CDK6: variants seen among roughly 807,000 people sequenced by gnomAD.
The protein encoded by CDK6 is cyclin dependent kinase 6.
Under a neutral mutation model 37.1 loss-of-function variants are expected in CDK6, and 6 were observed. The ratio of observed to expected loss-of-function variants is 0.16; its 90% CI spans 0.09 to 0.32. The LOEUF (loss-of-function observed/expected upper bound fraction) is 0.32, where lower values mean the gene tolerates loss of function less well. CDK6 is among the 10% of genes least tolerant of loss of function. The probability of loss-of-function intolerance (pLI) is 1.00; values close to 1 mark genes in which losing one functional copy is unlikely to be tolerated. For missense variants in CDK6, 224 were observed against 418.9 expected, an observed-to-expected ratio of 0.53 and a Z score of 4.06; for synonymous variants, 160 against 161.3, an observed-to-expected ratio of 0.99 and a Z score of 0.06.
intron 3 of CDK6, among the ~76,000 whole-genome samples, chr7:92,735,969 A>G (rs1390845910): frequency 6.6e-6 from 1 of 152,170 alleles, no homozygotes; most frequent in Admixed American, 6.5e-5. Context: ...TCACTTAGAC[A>G]TGAGATGTAA....
intron 4 of CDK6, chr7:92,725,254 G>T (rs996943468): frequency 1.0e-6 from 1 of 985,394 alleles, no homozygotes; most frequent in Non-Finnish European, 1.2e-6. Context: ...GCTGCAGACA[G>T]GTCAACGTTG....
intron 2 of CDK6, among the ~76,000 whole-genome samples, chr7:92,825,382 G>A (rs1362628726): frequency 1.3e-5 from 2 of 151,970 alleles, no homozygotes; most frequent in Non-Finnish European, 2.9e-5. Flanking sequence ...CTAAATGCTT[G>A]GGATACTGCA....
rs11285626 is a variant in CDK6, at chr7:92,711,552, A to ATTTTTTTTTTTTTTTTTTTT, written c.537+14054_537+14073dup. On this transcript the variant is annotated intron_variant, in intron 4 of 7. Coordinates refer to ENST00000424848, the MANE Select transcript of CDK6 (RefSeq NM_001145306.2). The stretch of plus-strand genomic sequence containing the variant: ...TTTTTTACCTACCTGGAATGGTCAA[A>ATTTTTTTTTTTTTTTTTTTT]TTTTTTTTTTTTTTTTTTTTTTTTT... 2.5e-4 allele frequency among the ~76,000 whole-genome samples: 14 copies of ATTTTTTTTTTTTTTTTTTTT among 56,626 alleles called. 1 individual carries two copies. The highest frequency in any genetic ancestry group is 1.1e-3 in the African/African-American group (13 of 12,216). 37.1% of individuals were successfully genotyped at this position (56,626 alleles called of 152,430 possible). A position where few individuals can be genotyped will look rare whatever the true frequency, so the allele number is the denominator to read the frequency against.
chr7:92,626,880 C>T (rs1192562354), intron 5 of CDK6, among the ~76,000 whole-genome samples: 5 of 151,916 alleles, frequency 3.3e-5, no homozygotes, highest in African/African-American at 4.8e-5. Context: ...AAATATTTTC[C>T]TTGTATAATA....
At chr7:92,782,971 T>A (rs1296348595) in intron 2 of CDK6, among the ~76,000 whole-genome samples, 3 of 152,202 alleles carry the variant, frequency 2.0e-5, no homozygotes, top group Non-Finnish European at 4.4e-5. Context: ...CTGACTTGGC[T>A]GGGAATCTAT....
At chr7:92,681,895 T>G (rs1338711748) in intron 4 of CDK6, among the ~76,000 whole-genome samples, 1 of 152,230 alleles carries the variant, frequency 6.6e-6, no homozygotes, top group East Asian at 1.9e-4. Flanking sequence ...CAAATCCAAC[T>G]GTCTCCCGGA....
At chr7:92,641,733 C>T (rs781463274) in intron 5 of CDK6, among the ~76,000 whole-genome samples, 1 of 152,070 alleles carries the variant, frequency 6.6e-6, no homozygotes, top group Non-Finnish European at 1.5e-5. Context: ...AACAAATGGG[C>T]CTTCTGAGCT....
intron 5 of CDK6, among the ~76,000 whole-genome samples, chr7:92,636,575 A>G (rs984694441): frequency 1.3e-5 from 2 of 152,232 alleles, no homozygotes; most frequent in South Asian, 2.1e-4. Context: ...TATGTCACTC[A>G]TAAGAAATGA....
intron 3 of CDK6, among the ~76,000 whole-genome samples, chr7:92,755,537 T>TGA (rs1799295249): frequency 1.3e-5 from 2 of 152,080 alleles, no homozygotes; most frequent in African/African-American, 4.8e-5. Flanking sequence ...TGGTCAGTGA[T>TGA]GAGAGGAGCT....
At chr7:92,676,323 T>C (rs923365909) in intron 4 of CDK6, among the ~76,000 whole-genome samples, 2 of 152,152 alleles carry the variant, frequency 1.3e-5, no homozygotes, top group African/African-American at 4.8e-5. Context: ...TGGTTGAATT[T>C]CTACTTTTAT....
At chr7:92,640,259 TG>T (rs1293182829) in intron 5 of CDK6, among the ~76,000 whole-genome samples, 1 of 152,150 alleles carries the variant, frequency 6.6e-6, no homozygotes, top group Non-Finnish European at 1.5e-5. Context: ...AAAGTGCAAA[TG>T]GAAGGGGGCC....
intron 2 of CDK6, among the ~76,000 whole-genome samples, chr7:92,826,950 G>A (rs1801334720): frequency 6.6e-6 from 1 of 152,054 alleles, no homozygotes; most frequent in South Asian, 2.1e-4. Context: ...CAAACATAAA[G>A]TCACTAAACT....
intron 5 of CDK6, among the ~76,000 whole-genome samples, chr7:92,649,055 T>A (rs1796511248): frequency 6.6e-6 from 1 of 151,700 alleles, no homozygotes; most frequent in African/African-American, 2.4e-5. Context: ...AAAAAAAAAG[T>A]CTCACGGTCA....
chr7:92,834,654 A>G lies in CDK6; in HGVS notation c.-367-964T>C, dbSNP rs1355275510. Among the ~76,000 whole-genome samples the G allele has an allele frequency of 1.5e-5, 2 of 131,386 alleles. No homozygotes were observed. The highest frequency in any genetic ancestry group is 3.2e-5 in the Non-Finnish European group (2 of 63,190). The allele number at this position is 131,386 out of a possible 152,430, so 86.2% of individuals were successfully genotyped here. On this transcript the variant is annotated intron_variant, in intron 1 of 7. Coordinates refer to ENST00000424848, the MANE Select transcript of CDK6 (RefSeq NM_001145306.2). This position sits in a 1 kb window ranked among gnomAD's most constrained non-coding sequence, Gnocchi z 4.6. ...GTTTTAAACTGATTTCGACCTGAGC[A>G]AAACTCAACCTCCCTTTCAAAGGGT...
chr7:92,803,716 G>C (rs146355761), intron 2 of CDK6, among the ~76,000 whole-genome samples: 1 of 152,144 alleles, frequency 6.6e-6, no homozygotes, highest in Non-Finnish European at 1.5e-5. Flanking sequence ...ATATGAACTG[G>C]AACATAACCC....
At chr7:92,672,219 A>ACACG (rs1376775065) in intron 4 of CDK6, among the ~76,000 whole-genome samples, 1 of 141,380 alleles carries the variant, frequency 7.1e-6, no homozygotes, top group East Asian at 2.0e-4. Flanking sequence ...ACACACACAC[A>ACACG]CACACACACA....
intron 4 of CDK6, among the ~76,000 whole-genome samples, chr7:92,694,639 A>T (rs1797668519): frequency 6.6e-6 from 1 of 152,192 alleles, no homozygotes; most frequent in Non-Finnish European, 1.5e-5. Flanking sequence ...GAGAACAATC[A>T]TGTCTGCATG....
At chr7:92,704,711 T>C (rs1228270550) in intron 4 of CDK6, among the ~76,000 whole-genome samples, 2 of 152,234 alleles carry the variant, frequency 1.3e-5, no homozygotes, top group African/African-American at 2.4e-5. Flanking sequence ...TGTGGGAATA[T>C]ACCAGTGTCA....
intron 2 of CDK6, among the ~76,000 whole-genome samples, chr7:92,828,207 G>T (rs1801378485): frequency 6.6e-6 from 1 of 151,882 alleles, no homozygotes; most frequent in Admixed American, 6.6e-5. Flanking sequence ...GAATTTACTG[G>T]AATAATACTC....
Sources: gnomAD v4.1 joint callset for allele counts (sites outside exome capture counted in the v4.1 genomes callset) on GRCh38, gnomAD v4.1.1 for gene constraint, Gnocchi (gnomAD v3.1) non-coding constraint, MANE v1.5 for transcripts, NCBI Gene and HGNC (gene_info 2026-07-23, HGNC 2026-07-21) for gene names.